Variants in PLD5 observed in about 807,000 individuals in gnomAD.
PLD5 encodes inactive phospholipase D5.
PLD5 carries 36 observed loss-of-function variants against 61.1 expected under a neutral mutation model. The ratio of observed to expected loss-of-function variants is 0.59; its 90% CI spans 0.45 to 0.78. The LOEUF (loss-of-function observed/expected upper bound fraction) is 0.78, where lower values mean the gene tolerates loss of function less well. Ranked by LOEUF, PLD5 falls within the 30% of genes least tolerant of loss-of-function variation. The pLI is 0.00. For synonymous variants in PLD5, 243 were observed against 242.8 expected, an observed-to-expected ratio of 1.00 and a Z score of -0.01; for missense variants, 515 against 644.4, an observed-to-expected ratio of 0.80 and a Z score of 2.17.
intron 3 of PLD5, 64 bp from the exon 4 acceptor site, chr1:242,265,512 T>C (rs1308027423): frequency 1.6e-5 from 22 of 1,358,558 alleles, no homozygotes; most frequent in Non-Finnish European, 2.2e-5. Context: ...TTTAGACAGG[T>C]AAAAATAAAC....
At chr1:242,385,352 A>G (rs1662537197) in intron 1 of PLD5, among the ~76,000 whole-genome samples, 1 of 152,138 alleles carries the variant, frequency 6.6e-6, no homozygotes, top group African/African-American at 2.4e-5. Flanking sequence ...CCTTGCTTCT[A>G]GCCCTCCTAG....
chr1:242,441,751 A>C (rs1041848426), intron 1 of PLD5, among the ~76,000 whole-genome samples: 8 of 152,150 alleles, frequency 5.3e-5, no homozygotes, highest in Non-Finnish European at 1.2e-4. Flanking sequence ...CACCGAGCCC[A>C]CCTTCTGCGA....
chr1:242,475,062 A>C (rs758740213), intron 1 of PLD5, among the ~76,000 whole-genome samples: 3 of 152,248 alleles, frequency 2.0e-5, no homozygotes, highest in Non-Finnish European at 2.9e-5. Flanking sequence ...TAAATGCTGC[A>C]TTGAAAGGCT....
intron 2 of PLD5, among the ~76,000 whole-genome samples, chr1:242,303,380 G>A (rs1269649591): frequency 6.6e-6 from 1 of 152,218 alleles, no homozygotes; most frequent in Non-Finnish European, 1.5e-5. Flanking sequence ...GGCAAACTAG[G>A]AAATGGAGCT....
chr1:242,433,676 G>A (rs912068621), intron 1 of PLD5, among the ~76,000 whole-genome samples: 2 of 152,214 alleles, frequency 1.3e-5, no homozygotes, highest in Admixed American at 1.3e-4. Context: ...ACAAATCAGG[G>A]TCCAATAAAT....
At chr1:242,293,097 G>A (rs1325750567) in intron 2 of PLD5, among the ~76,000 whole-genome samples, 2 of 152,140 alleles carry the variant, frequency 1.3e-5, no homozygotes, top group African/African-American at 4.8e-5. Context: ...TTTCCTTAGT[G>A]ATTGACGCTT....
At chr1:242,255,588 A>T (rs1356378700) in intron 4 of PLD5, among the ~76,000 whole-genome samples, 1 of 152,244 alleles carries the variant, frequency 6.6e-6, no homozygotes, top group Non-Finnish European at 1.5e-5. Flanking sequence ...CCTAAAACTT[A>T]AAGTATAATA....
intron 4 of PLD5, among the ~76,000 whole-genome samples, chr1:242,246,516 C>CACACACACACAA (rs1475199350): frequency 1.3e-4 from 19 of 147,478 alleles, no homozygotes; most frequent in Admixed American, 6.2e-4. Context: ...CACACACACA[C>CACACACACACAA]AAAAGCAAAA....
chr1:242,508,405 T>C (rs1668799822), intron 1 of PLD5, among the ~76,000 whole-genome samples: 1 of 152,058 alleles, frequency 6.6e-6, no homozygotes, highest in South Asian at 2.1e-4. Context: ...GGTGACCAGA[T>C]GGAAATGACC....
chr1:242,339,726 C>T (rs1659727135), intron 2 of PLD5, among the ~76,000 whole-genome samples: 1 of 152,130 alleles, frequency 6.6e-6, no homozygotes, highest in Admixed American at 6.6e-5. Context: ...ACATCTCTTC[C>T]TCTGAGATAA....
At chr1:242,200,294 C>T (rs376665319) in intron 5 of PLD5, among the ~76,000 whole-genome samples, 1 of 152,282 alleles carries the variant, frequency 6.6e-6, no homozygotes, top group East Asian at 1.9e-4. Context: ...GGACAGCTCT[C>T]ACTTGTCTGG....
intron 2 of PLD5, among the ~76,000 whole-genome samples, chr1:242,337,642 A>G (rs1234055470): frequency 6.6e-6 from 1 of 152,228 alleles, no homozygotes; most frequent in East Asian, 1.9e-4. Flanking sequence ...AAATAAATAA[A>G]TAAGCAAGCA....
At chr1:242,213,483 T>C (rs955330774) in intron 5 of PLD5, among the ~76,000 whole-genome samples, 2 of 152,170 alleles carry the variant, frequency 1.3e-5, no homozygotes, top group Non-Finnish European at 2.9e-5. Flanking sequence ...ATGTCCTCTC[T>C]TTGGAAATAT....
At chr1:242,488,172 A>C (rs941215495) in intron 1 of PLD5, among the ~76,000 whole-genome samples, 10 of 152,214 alleles carry the variant, frequency 6.6e-5, no homozygotes, top group African/African-American at 2.4e-4. Flanking sequence ...GTTTCTTATG[A>C]AACTGAACAT....
chr1:242,314,937 C>A (rs7532740), intron 2 of PLD5, among the ~76,000 whole-genome samples: 46,482 of 151,934 alleles, frequency 0.31, 8,294 homozygotes, highest in African/African-American at 0.49. Flanking sequence ...ATTGTCACTG[C>A]AGCCTAAAAT....
At chr1:242,126,037 C>T (rs1481149397) in intron 5 of PLD5, among the ~76,000 whole-genome samples, 2 of 152,130 alleles carry the variant, frequency 1.3e-5, no homozygotes, top group East Asian at 1.9e-4. Flanking sequence ...TGTACAGACA[C>T]ATTAAGGACT....
chr1:242,382,128 C>CAAAAAAAAAAAAAAAAAAAAAAA (rs34582650), intron 1 of PLD5, among the ~76,000 whole-genome samples: 4 of 125,608 alleles, frequency 3.2e-5, no homozygotes, highest in Admixed American at 1.7e-4. Flanking sequence ...ACTTTGACAG[C>CAAAAAAAAAAAAAAAAAAAAAAA]AAAAAAAAAA....
intron 2 of PLD5, among the ~76,000 whole-genome samples, chr1:242,308,281 T>C (rs1025139111): frequency 6.6e-6 from 1 of 152,132 alleles, no homozygotes; most frequent in African/African-American, 2.4e-5. Flanking sequence ...TAAAAATTCA[T>C]AAGATATAAT....
At chr1:242,469,821 C>T (rs1177375024) in intron 1 of PLD5, among the ~76,000 whole-genome samples, 1 of 152,154 alleles carries the variant, frequency 6.6e-6, no homozygotes, top group East Asian at 1.9e-4. Flanking sequence ...GCTGCACAAT[C>T]AGAACAGACT....
Sources: gnomAD v4.1 joint callset for allele counts (sites outside exome capture counted in the v4.1 genomes callset) on GRCh38, gnomAD v4.1.1 for gene constraint, MANE v1.5 for transcripts, NCBI Gene and HGNC (gene_info 2026-07-23, HGNC 2026-07-21) for gene names.